Variants in ARMC9 observed in about 807,000 individuals in gnomAD.
The protein encoded by ARMC9 is lisH domain-containing protein ARMC9.
A neutral mutation model predicts 107.0 loss-of-function variants in ARMC9; 94 were observed. The ratio of observed to expected loss-of-function variants is 0.88; its 90% CI spans 0.74 to 1.04. The LOEUF is 1.04. ARMC9 is among the 50% of genes least tolerant of loss of function. The pLI, the probability that ARMC9 is intolerant of heterozygous loss-of-function variation, is 0.00. For synonymous variants in ARMC9, 380 were observed against 396.9 expected, an observed-to-expected ratio of 0.96 and a Z score of 0.51; for missense variants, 942 against 1,030.1, an observed-to-expected ratio of 0.91 and a Z score of 1.17.
intron 19 of ARMC9, among the ~76,000 whole-genome samples, chr2:231,331,566 G>A (rs2043738935): frequency 6.6e-6 from 1 of 152,172 alleles, no homozygotes; most frequent in South Asian, 2.1e-4. Flanking sequence ...AGGCTCCCTA[G>A]CTCCCTAGCT....
chr2:231,292,696 GTC>G (rs1220317787), intron 18 of ARMC9, among the ~76,000 whole-genome samples: 1 of 152,188 alleles, frequency 6.6e-6, no homozygotes, highest in Admixed American at 6.5e-5. Context: ...TTGTCACTGA[GTC>G]TCTCTCCATG....
intron 23 of ARMC9, among the ~76,000 whole-genome samples, chr2:231,367,389 G>A (rs1342781773): frequency 6.6e-6 from 1 of 152,132 alleles, no homozygotes; most frequent in Non-Finnish European, 1.5e-5. Flanking sequence ...GGCGCCATAT[G>A]GAAGCCAGCT....
At chr2:231,265,383 A>AAT (rs1227096117) in intron 12 of ARMC9, among the ~76,000 whole-genome samples, 1 of 152,210 alleles carries the variant, frequency 6.6e-6, no homozygotes, top group African/African-American at 2.4e-5. Context: ...AAGAAAATGT[A>AAT]ATATATATAC....
Position 231,371,577 on chromosome 2 carries a change from C to T in ARMC9, c.*42C>T. On this transcript the variant is annotated 3_prime_UTR_variant, in exon 25 of 25. Transcript: ENST00000611582. The stretch of plus-strand genomic sequence containing the variant: ...CCCCATCACGTTGCCGGAGGACCAG[C>T]CAGCTTCCCGCTCTCAGCTGGCAGC... 1 of 1,234,270 alleles carries T rather than the reference C, an allele frequency of 8.1e-7. No individual in the cohort carries two copies. Among genetic ancestry groups the T allele is most frequent in the African/African-American group, 1.5e-5 (1 of 64,624 alleles). 76.5% of individuals were successfully genotyped at this position (1,234,270 alleles called of 1,614,324 possible).
intron 19 of ARMC9, 76 bp from the exon 20 acceptor site, chr2:231,331,717 A>T: frequency 1.6e-6 from 2 of 1,286,280 alleles, no homozygotes; most frequent in Non-Finnish European, 2.2e-6. Context: ...CATGACAGCT[A>T]CACATTCTGG....
intron 18 of ARMC9, among the ~76,000 whole-genome samples, chr2:231,292,289 C>T (rs1427342787): frequency 6.6e-6 from 1 of 151,906 alleles, no homozygotes; most frequent in Non-Finnish European, 1.5e-5. Flanking sequence ...ATTACAGAAA[C>T]CCTCCCCTAA....
At position 231,226,830 on chromosome 2, in the gene ARMC9, A is replaced by G. The variant is rs781081159; in HGVS notation, c.622+32A>G. 1.2e-5 allele frequency: 20 copies of G among 1,605,860 alleles called. No individual in the cohort carries two copies. The Admixed American group carries it at 3.3e-4, about 27-fold the overall frequency. ...CATCTAGATTTAAATTTGTCTAAGA[A>G]CAACTTTGCCAGTTCAGGTTTGAAG... On this transcript the variant is annotated intron_variant, in intron 7 of 24. Transcript: ENST00000611582.
At position 231,345,003 on chromosome 2, in the gene ARMC9, G is replaced by T. The variant is rs570002180; in HGVS notation, c.1907G>T (p.Arg636Leu). Residue 636 changes from arginine to leucine, a missense_variant, in exon 21 of 25, where the codon CGG becomes CTG. Coordinates refer to ENST00000611582, the MANE Select transcript of ARMC9 (RefSeq NM_001352754.2). Reference protein sequence around the residue: ...GIMTNTGKTRRKGLANVQWSG... With the variant: ...GIMTNTGKTRLKGLANVQWSG... The stretch of plus-strand genomic sequence containing the variant: ...ATGACCAACACGGGGAAGACAAGGC[G>T]GAAGGGGCTGGCTAATGTGCAGTGG... The T allele has an allele frequency of 1.2e-6, 2 of 1,613,882 alleles. No individual in the cohort carries two copies. Among genetic ancestry groups the T allele is most frequent in the East Asian group, 2.2e-5 (1 of 44,888 alleles).
In ARMC9 at chr2:231,239,971, G is replaced by A. The variant is rs762804159; in HGVS notation, c.809G>A (p.Cys270Tyr). 6 of 1,614,082 alleles carry A rather than the reference G, an allele frequency of 3.7e-6. No individual in the cohort carries two copies. Among genetic ancestry groups the A allele is most frequent in the East Asian group, 2.2e-5 (1 of 44,890 alleles). ...MITPEYLQSV[C>Y]VRLFSNQMRQ... ...ACCCCTGAGTACCTCCAGAGCGTCT[G>A]TGTCCGCCTGTTCAGTAACCAGATG... Residue 270 changes from cysteine (C) to tyrosine (Y), a missense_variant, in exon 9 of 25, where the codon TGT becomes TAT. Cys to Tyr is a radical substitution (Grantham distance 194, BLOSUM62 -2). Transcript: ENST00000611582.
chr2:231,245,355 C>T (rs1421948674), intron 9 of ARMC9, among the ~76,000 whole-genome samples: 3 of 152,148 alleles, frequency 2.0e-5, no homozygotes, highest in Non-Finnish European at 4.4e-5. Flanking sequence ...CGGGTGTGTT[C>T]GTTTGCAGGG....
intron 12 of ARMC9, among the ~76,000 whole-genome samples, chr2:231,269,875 TC>T (rs1396626014): frequency 3.2e-4 from 15 of 46,486 alleles, no homozygotes; most frequent in African/African-American, 6.5e-4. Context: ...GCCCCCACCC[TC>T]CCCCCCTATT....
intron 19 of ARMC9, among the ~76,000 whole-genome samples, chr2:231,322,281 G>A (rs533257829): frequency 3.3e-5 from 5 of 152,356 alleles, no homozygotes; most frequent in East Asian, 1.9e-4. Context: ...AGCGCCTCAC[G>A]CTGCCTGGCC....
rs548146471 is a variant in ARMC9, at chr2:231,347,126, A to G, written c.1994+2036A>G. On this transcript the variant is annotated intron_variant, in intron 21 of 24. Coordinates refer to ENST00000611582, the MANE Select transcript of ARMC9 (RefSeq NM_001352754.2). ...GAAGAGAAATTTGAGGACGTTTTCC[A>G]TGCCTGGGAGCACATCTATCTCCCC... is the stretch of plus-strand genomic sequence containing the variant. 9.9e-5 allele frequency among the ~76,000 whole-genome samples: 15 copies of G among 152,272 alleles called. No homozygotes were observed. The South Asian group carries it at 3.1e-3, about 32-fold the overall frequency.
intron 8 of ARMC9, among the ~76,000 whole-genome samples, chr2:231,237,119 G>C (rs368532402): frequency 1.3e-5 from 2 of 151,790 alleles, no homozygotes; most frequent in East Asian, 1.9e-4. Flanking sequence ...TTTCCTTATT[G>C]ATGTTCAAGA....
chr2:231,357,114 T>C (rs16828007), intron 22 of ARMC9, among the ~76,000 whole-genome samples: 29,625 of 152,134 alleles, frequency 0.19, 7,228 homozygotes, highest in African/African-American at 0.58. Flanking sequence ...GAGCAGCTGC[T>C]GCAATGTTGA....
At chr2:231,320,931 C>G (rs1014374940) in intron 19 of ARMC9, among the ~76,000 whole-genome samples, 1 of 152,198 alleles carries the variant, frequency 6.6e-6, no homozygotes, top group Non-Finnish European at 1.5e-5. Context: ...TTAATACTTG[C>G]TGAATGTCGA....
At chr2:231,302,867 C>A (rs1171106402) in intron 19 of ARMC9, among the ~76,000 whole-genome samples, 1 of 151,926 alleles carries the variant, frequency 6.6e-6, no homozygotes, top group Non-Finnish European at 1.5e-5. Flanking sequence ...AGCTGGGCAT[C>A]GTGGTGTGCG....
rs2035917240 is a variant in ARMC9 at position 231,237,835 on chromosome 2, T to G, written c.781-2108T>G. ...TTTTTTGGTCAGTCATCCATTTTCT[T>G]TCCTCATTCTCCTGTTTTAAGCAAG... On this transcript the variant is annotated intron_variant, in intron 8 of 24. Transcript: ENST00000611582. Among the ~76,000 whole-genome samples the G allele has an allele frequency of 2.2e-5, 3 of 136,748 alleles. No homozygotes were observed. The South Asian group carries it at 8.0e-4, about 37-fold the overall frequency. 89.7% of individuals were successfully genotyped at this position (136,748 alleles called of 152,430 possible).
At chr2:231,272,633 AG>A (rs1304360425) in intron 13 of ARMC9, among the ~76,000 whole-genome samples, 4 of 152,010 alleles carry the variant, frequency 2.6e-5, no homozygotes, top group African/African-American at 4.8e-5. Flanking sequence ...CTCCTGCCTC[AG>A]CCTCCCGAGT....
Sources: gnomAD v4.1 joint callset for allele counts (sites outside exome capture counted in the v4.1 genomes callset) on GRCh38, gnomAD v4.1.1 for gene constraint, MANE v1.5 for transcripts, NCBI Gene and HGNC (gene_info 2026-07-23, HGNC 2026-07-21) for gene names.